The following LEF1 variants were observed in gnomAD, a reference collection of about 807,000 sequenced individuals.
LEF1 encodes lymphoid enhancer-binding factor 1.
A neutral mutation model predicts 51.2 loss-of-function variants in LEF1; 14 were observed. The observed-to-expected ratio is 0.27, with a 90% CI of 0.18 to 0.43. The LOEUF is 0.43. Among genes scored for constraint, LEF1 ranks in the 20% least tolerant of loss-of-function variants. LEF1 has a pLI of 1.00. For synonymous variants in LEF1, 185 were observed against 183.2 expected, an observed-to-expected ratio of 1.01 and a Z score of -0.08; for missense variants, 386 against 512.0, an observed-to-expected ratio of 0.75 and a Z score of 2.37.
At chr4:108,135,514 G>A (rs1431304095) in intron 3 of LEF1, among the ~76,000 whole-genome samples, 1 of 152,210 alleles carries the variant, frequency 6.6e-6, no homozygotes, top group African/African-American at 2.4e-5. Context: ...TTCCAGTGGA[G>A]GCTCAGGATG....
intron 3 of LEF1, among the ~76,000 whole-genome samples, chr4:108,136,294 A>G (rs1341313418): frequency 1.3e-5 from 2 of 152,160 alleles, no homozygotes; most frequent in African/African-American, 2.4e-5. Flanking sequence ...TTTCTTAACC[A>G]TTTCTGCTTT....
intron 3 of LEF1, among the ~76,000 whole-genome samples, chr4:108,127,878 T>A (rs1168134219): frequency 6.6e-6 from 1 of 152,190 alleles, no homozygotes; most frequent in Non-Finnish European, 1.5e-5. Context: ...TGGGTGTTTG[T>A]CCTTGCATCC....
Position 108,167,832 on chromosome 4 carries a change from G to A in LEF1, c.-65C>T. 2 of 1,427,402 alleles carry A rather than the reference G, an allele frequency of 1.4e-6. No homozygotes were observed. The highest frequency in any genetic ancestry group is 1.2e-5 in the South Asian group (1 of 83,244). The allele number at this position is 1,427,402 out of a possible 1,614,324, so 88.4% of individuals were successfully genotyped here. On this transcript the variant is annotated 5_prime_UTR_variant, in exon 1 of 12. Transcript: ENST00000265165. This position sits in a 1 kb window ranked among gnomAD's most constrained non-coding sequence, Gnocchi z 5.7. ...CCGCGCAACAGCAGGAAAGACAGAG[G>A]GGTAACTCAAGGGTGGGGGAGGAAA... is the stretch of plus-strand genomic sequence containing the variant.
At chr4:108,158,648 C>G (rs1256567441) in intron 3 of LEF1, among the ~76,000 whole-genome samples, 1 of 150,972 alleles carries the variant, frequency 6.6e-6, no homozygotes, top group African/African-American at 2.4e-5. Context: ...CAAAAGGAGT[C>G]AAAAATGAAG....
At chr4:108,099,598 ATATATATATATATATATAT>A (rs1740663351) in intron 3 of LEF1, among the ~76,000 whole-genome samples, 2 of 130,276 alleles carry the variant, frequency 1.5e-5, no homozygotes, top group South Asian at 2.5e-4. Flanking sequence ...ATATATATAT[ATATATATATATATATATAT>A]AAATAATACT....
At chr4:108,069,810 T>G (rs536263239) in intron 9 of LEF1, among the ~76,000 whole-genome samples, 1 of 151,944 alleles carries the variant, frequency 6.6e-6, no homozygotes, top group African/African-American at 2.4e-5. Context: ...TACAAAAAAT[T>G]AGCCATGTGT....
chr4:108,127,579 C>T (rs17038625), intron 3 of LEF1, among the ~76,000 whole-genome samples: 7,069 of 152,194 alleles, frequency 0.046, 526 homozygotes, highest in African/African-American at 0.16. Flanking sequence ...TTGAAAACCA[C>T]CTCAGTGGGA....
At chr4:108,166,458 G>T in intron 1 of LEF1, 2 of 1,395,084 alleles carry the variant, frequency 1.4e-6, no homozygotes, top group Non-Finnish European at 1.9e-6. Flanking sequence ...TCATTCGGGT[G>T]TCAGGACTTT....
intron 11 of LEF1, among the ~76,000 whole-genome samples, 164 bp downstream of exon 11, chr4:108,063,459 G>C (rs1737837262): frequency 6.6e-6 from 1 of 152,208 alleles, no homozygotes; most frequent in Admixed American, 6.5e-5. Context: ...TACATAGCCG[G>C]TATAAAAACC....
intron 3 of LEF1, among the ~76,000 whole-genome samples, chr4:108,116,471 G>A (rs781367722): frequency 7.9e-5 from 12 of 152,222 alleles, no homozygotes; most frequent in Non-Finnish European, 1.3e-4. Flanking sequence ...GCAGCAAGCT[G>A]TGATTGCACC....
chr4:108,065,715 T>C (rs1471911248), intron 9 of LEF1, among the ~76,000 whole-genome samples: 1 of 152,272 alleles, frequency 6.6e-6, no homozygotes, highest in East Asian at 1.9e-4. Flanking sequence ...TTATAGCCTT[T>C]AAAAAAATTA....
At chr4:108,054,401 C>T (rs997480095) in intron 11 of LEF1, among the ~76,000 whole-genome samples, 43 of 152,310 alleles carry the variant, frequency 2.8e-4, no homozygotes, top group Non-Finnish European at 5.0e-4. Context: ...ACTCTGCAGA[C>T]GCAGCGCTGC....
intron 9 of LEF1, among the ~76,000 whole-genome samples, chr4:108,070,242 C>T (rs993383634): frequency 2.6e-5 from 4 of 151,422 alleles, no homozygotes; most frequent in Non-Finnish European, 2.9e-5. Flanking sequence ...TATATAAGAT[C>T]GAGAAGTATG....
intron 3 of LEF1, among the ~76,000 whole-genome samples, chr4:108,121,564 G>A (rs1742183305): frequency 6.6e-6 from 1 of 152,168 alleles, no homozygotes; most frequent in African/African-American, 2.4e-5. Flanking sequence ...TCACTTTCAT[G>A]TTCTTACTTG....
chr4:108,058,845 T>C (rs1374679804), intron 11 of LEF1, among the ~76,000 whole-genome samples: 1 of 152,150 alleles, frequency 6.6e-6, no homozygotes, highest in African/African-American at 2.4e-5. Flanking sequence ...CACTAAATGT[T>C]TGCGTGGTGA....
At chr4:108,092,129 T>C (rs1178224649) in intron 3 of LEF1, among the ~76,000 whole-genome samples, 4 of 152,224 alleles carry the variant, frequency 2.6e-5, no homozygotes, top group Admixed American at 2.0e-4. Context: ...TGCTAAATTA[T>C]GCTATCCTTG....
chr4:108,133,175 T>C (rs923914409), intron 3 of LEF1, among the ~76,000 whole-genome samples: 2 of 152,076 alleles, frequency 1.3e-5, no homozygotes, highest in Non-Finnish European at 2.9e-5. Flanking sequence ...GGTTTCACCA[T>C]GTTGGTCAGG....
rs1243315776 is a variant in LEF1 at position 108,064,672 on chromosome 4, CACACACACACACACACACACAAT to C, written c.1117-311_1117-289del. Among the ~76,000 whole-genome samples the C allele has an allele frequency of 2.1e-4, 13 of 61,362 alleles. No individual in the cohort carries two copies. In the East Asian group the frequency reaches 0.033, roughly 154 times the overall value. 40.3% of individuals were successfully genotyped at this position (61,362 alleles called of 152,430 possible). ...TCTCTCACTCACACACACACACACA[CACACACACACACACACACACAAT>C]GATGTCTTAGAGCTGTGGCCATAGA... On this transcript the variant is annotated intron_variant, in intron 9 of 11. Transcript: ENST00000265165.
intron 3 of LEF1, among the ~76,000 whole-genome samples, chr4:108,113,585 T>C (rs960223311): frequency 6.6e-6 from 1 of 152,206 alleles, no homozygotes; most frequent in Admixed American, 6.5e-5. Context: ...CAAGTCTGCA[T>C]CTAGTGCTGT....
Sources: gnomAD v4.1 joint callset for allele counts (sites outside exome capture counted in the v4.1 genomes callset) on GRCh38, gnomAD v4.1.1 for gene constraint, Gnocchi (gnomAD v3.1) non-coding constraint, MANE v1.5 for transcripts, NCBI Gene and HGNC (gene_info 2026-07-23, HGNC 2026-07-21) for gene names.